CALN1: variants seen among roughly 807,000 people sequenced by gnomAD.
CALN1 encodes the protein calcium-binding protein 8.
In CALN1, 17 loss-of-function variants were observed where a neutral mutation model predicts 30.6. That is an observed-to-expected ratio of 0.56 (90% CI 0.38 to 0.83). The LOEUF (loss-of-function observed/expected upper bound fraction) is 0.83, where lower values mean the gene tolerates loss of function less well. Ranked by LOEUF, CALN1 falls within the 40% of genes least tolerant of loss-of-function variation. The pLI, the probability that CALN1 is intolerant of heterozygous loss-of-function variation, is 0.00. For missense variants in CALN1, 291 were observed against 354.9 expected, an observed-to-expected ratio of 0.82 and a Z score of 1.45; for synonymous variants, 156 against 131.4, an observed-to-expected ratio of 1.19 and a Z score of -1.28.
chr7:72,376,257 C>A (rs554847058), intron 2 of CALN1, among the ~76,000 whole-genome samples: 2 of 152,272 alleles, frequency 1.3e-5, no homozygotes, highest in African/African-American at 4.8e-5. Flanking sequence ...GTGTATATAT[C>A]TAGGAGTGGA....
At chr7:72,235,821 C>A (rs1677639870) in intron 3 of CALN1, among the ~76,000 whole-genome samples, 1 of 152,050 alleles carries the variant, frequency 6.6e-6, no homozygotes, top group Admixed American at 6.6e-5. Flanking sequence ...CCCTTTGGTT[C>A]TTGCCCACCC....
At chr7:72,101,325 A>T (rs1347183691) in intron 4 of CALN1, among the ~76,000 whole-genome samples, 8 of 152,190 alleles carry the variant, frequency 5.3e-5, no homozygotes, top group African/African-American at 1.9e-4. Flanking sequence ...ATAGATTAAG[A>T]CTTTTCTTAT....
At chr7:72,326,085 T>C (rs1467910630) in intron 2 of CALN1, among the ~76,000 whole-genome samples, 8 of 152,178 alleles carry the variant, frequency 5.3e-5, no homozygotes, top group Non-Finnish European at 1.2e-4. Flanking sequence ...GTATTTTTAG[T>C]AGAGACGCAG....
chr7:72,094,337 C>G (rs1366560996), intron 4 of CALN1, among the ~76,000 whole-genome samples: 1 of 152,178 alleles, frequency 6.6e-6, no homozygotes. Context: ...TCACTGCAAC[C>G]TCTGCCTCCT....
chr7:72,235,308 T>G (rs1321709154), intron 3 of CALN1, among the ~76,000 whole-genome samples: 5 of 150,856 alleles, frequency 3.3e-5, no homozygotes, highest in Non-Finnish European at 7.4e-5. Flanking sequence ...ATAAGAAAAA[T>G]AAATAATTTT....
At chr7:72,023,574 T>A (rs992666153) in intron 5 of CALN1, 83 bp downstream of exon 5, 1 of 996,838 alleles carries the variant, frequency 1.0e-6, no homozygotes, top group Admixed American at 2.0e-5. Flanking sequence ...ACGTGCCAAA[T>A]AGAAGTTCAA....
intron 2 of CALN1, among the ~76,000 whole-genome samples, chr7:72,291,441 G>A (rs926001660): frequency 7.2e-5 from 11 of 152,100 alleles, no homozygotes; most frequent in Non-Finnish European, 1.0e-4. Flanking sequence ...AGAGATCCCC[G>A]TCCATCACAC....
At chr7:72,158,200 G>A (rs1787848150) in intron 3 of CALN1, among the ~76,000 whole-genome samples, 1 of 152,200 alleles carries the variant, frequency 6.6e-6, no homozygotes, top group Non-Finnish European at 1.5e-5. Flanking sequence ...CCGTCATGTA[G>A]TTTACATTAT....
At position 71,785,132 on chromosome 7, in the gene CALN1, A is replaced by G. The variant is rs1792918828; in HGVS notation, c.*2643T>C. The G allele has an allele frequency of 2.8e-6, 1 of 363,200 alleles. No individual in the cohort carries two copies. The allele number at this position is 363,200 out of a possible 1,614,324, so 22.5% of individuals were successfully genotyped here. A position where few individuals can be genotyped will look rare whatever the true frequency, so the allele number is the denominator to read the frequency against. On this transcript the variant is annotated 3_prime_UTR_variant, in exon 7 of 7. Transcript: ENST00000395275. ...CATGGGGGGTTACCACAGTGGGAAG[A>G]TAACTCCTAGGCTGTCAGAAAGAAT...
intron 2 of CALN1, among the ~76,000 whole-genome samples, chr7:72,336,048 G>A (rs1046239967): frequency 1.3e-5 from 2 of 152,292 alleles, no homozygotes; most frequent in African/African-American, 4.8e-5. Context: ...GCTGCTTGGA[G>A]CTCAGAGACT....
the CALN1 span, among the ~76,000 whole-genome samples, chr7:72,484,459 G>A: frequency 1.3e-5 from 2 of 152,130 alleles, no homozygotes; most frequent in Admixed American, 1.3e-4. Context: ...GTGGGAACAG[G>A]CACTATTCCC....
Position 72,140,437 on chromosome 7 carries a change from T to G in CALN1, c.245-34143A>C, listed in dbSNP as rs1279382032. Among the ~76,000 whole-genome samples the G allele has an allele frequency of 2.6e-5, 4 of 151,730 alleles. No individual in the cohort carries two copies. In the East Asian group the frequency reaches 5.8e-4, roughly 22 times the overall value. ...AGCCAGAACCAGAGTCCCACCTCCT[T>G]CTGCTGCTCCTGTGGACCTGCCCAG... On this transcript the variant is annotated intron_variant, in intron 3 of 6. Coordinates refer to ENST00000395275, the MANE Select transcript of CALN1 (RefSeq NM_031468.4).
At chr7:72,363,207 G>A (rs1803668099) in intron 2 of CALN1, among the ~76,000 whole-genome samples, 1 of 152,008 alleles carries the variant, frequency 6.6e-6, no homozygotes, top group Non-Finnish European at 1.5e-5. Flanking sequence ...CCCAGTGTGT[G>A]TTGTTCCCTT....
chr7:71,983,484 G>C (rs756939632), intron 5 of CALN1, among the ~76,000 whole-genome samples: 12 of 152,154 alleles, frequency 7.9e-5, no homozygotes, highest in African/African-American at 1.4e-4. Context: ...CACAGAGGAA[G>C]TGGATTAAAC....
intron 3 of CALN1, among the ~76,000 whole-genome samples, chr7:72,205,557 T>TATATATATATATATACAC (rs1791788699): frequency 4.6e-5 from 5 of 109,890 alleles, no homozygotes; most frequent in African/African-American, 2.2e-4. Context: ...AAAAAATATA[T>TATATATATATATATACAC]ATATATATAT....
At chr7:72,428,828 A>G (rs1237416025) in intron 1 of CALN1, among the ~76,000 whole-genome samples, 1 of 152,186 alleles carries the variant, frequency 6.6e-6, no homozygotes, top group Non-Finnish European at 1.5e-5. Context: ...GCGAAACCCC[A>G]TCTGTTTAAA....
intron 5 of CALN1, among the ~76,000 whole-genome samples, chr7:71,992,803 G>A (rs576932112): frequency 3.7e-4 from 56 of 152,186 alleles, no homozygotes; most frequent in African/African-American, 8.9e-4. Flanking sequence ...ATTAAATCTC[G>A]TTACTTAAGG....
chr7:72,190,646 G>A lies in CALN1; in HGVS notation c.245-84352C>T, dbSNP rs142181544. ...TAAAACAAATTTAATACATTAATGT[G>A]TGCATGTTTCAGAAAAATTATTTTT... is the stretch of plus-strand genomic sequence containing the variant. On this transcript the variant is annotated intron_variant, in intron 3 of 6. Coordinates refer to ENST00000395275, the MANE Select transcript of CALN1 (RefSeq NM_031468.4). Among the ~76,000 whole-genome samples, 3 of 152,266 alleles carry A rather than the reference G, an allele frequency of 2.0e-5. No individual in the cohort carries two copies. In the East Asian group the frequency reaches 5.8e-4, roughly 29 times the overall value.
intron 4 of CALN1, among the ~76,000 whole-genome samples, chr7:72,073,317 G>A (rs1223892692): frequency 2.0e-5 from 3 of 152,076 alleles, no homozygotes; most frequent in Non-Finnish European, 1.5e-5. Flanking sequence ...TTATGAAGAT[G>A]GACAGTAGTG....
Sources: allele counts gnomAD v4.1 joint callset (sites outside exome capture counted in the v4.1 genomes callset), GRCh38; gene constraint gnomAD v4.1.1; transcripts MANE v1.5; gene names NCBI Gene and HGNC (gene_info 2026-07-23, HGNC 2026-07-21).